The following ATP13A3 variants were observed in gnomAD, a reference collection of about 807,000 sequenced individuals.
ATP13A3 encodes ATPase 13A3, also known as polyamine-transporting ATPase 13A3.
Under a neutral mutation model 158.1 loss-of-function variants are expected in ATP13A3, and 59 were observed. The ratio of observed to expected loss-of-function variants is 0.37; its 90% CI spans 0.30 to 0.46. The LOEUF (loss-of-function observed/expected upper bound fraction) is 0.46, where lower values mean the gene tolerates loss of function less well. Among genes scored for constraint, ATP13A3 ranks in the 20% least tolerant of loss-of-function variants. ATP13A3 has a pLI of 1.00. For missense variants in ATP13A3, 1,166 were observed against 1,525.2 expected, an observed-to-expected ratio of 0.76 and a Z score of 3.92; for synonymous variants, 491 against 504.3, an observed-to-expected ratio of 0.97 and a Z score of 0.35.
At chr3:194,415,756 G>A (rs544563668) in intron 31 of ATP13A3, among the ~76,000 whole-genome samples, 1 of 137,146 alleles carries the variant, frequency 7.3e-6, no homozygotes, top group East Asian at 2.3e-4. Flanking sequence ...TGCAAGCTCC[G>A]CCTCCCGGGT....
chr3:194,402,766 G>T lies in ATP13A3; in HGVS notation c.*3153C>A, dbSNP rs1285140343. ...CAATGCTGAATGTACAATTATGAAT[G>T]TATGCCTTTTTGACAAGAGGGTACC... is the stretch of plus-strand genomic sequence containing the variant. On this transcript the variant is annotated 3_prime_UTR_variant, in exon 34 of 34. Transcript: ENST00000645319. The T allele has an allele frequency of 6.6e-6, 1 of 152,138 alleles. No homozygotes were observed. The highest frequency in any genetic ancestry group is 1.5e-5 in the Non-Finnish European group (1 of 68,030). The allele number at this position is 152,138 out of a possible 1,614,324, so 9.4% of individuals were successfully genotyped here.
intron 2 of ATP13A3, among the ~76,000 whole-genome samples, chr3:194,477,552 C>T (rs1720578346): frequency 2.0e-5 from 3 of 152,232 alleles, no homozygotes; most frequent in Admixed American, 6.5e-5. Flanking sequence ...CACCACAGCA[C>T]TATGTTCTTC....
chr3:194,410,326 A>AAAC, intron 33 of ATP13A3, among the ~76,000 whole-genome samples: 1 of 146,942 alleles, frequency 6.8e-6, no homozygotes, highest in Non-Finnish European at 1.5e-5. Context: ...AAAAAAAAAA[A>AAAC]AAAAACTGCT....
At chr3:194,453,805 C>G in intron 9 of ATP13A3, 27 bp from the exon 10 acceptor site, 8 of 1,588,552 alleles carry the variant, frequency 5.0e-6, no homozygotes, top group Non-Finnish European at 6.9e-6. Flanking sequence ...AAGTTAGAAA[C>G]TAGCCAATAT....
At chr3:194,416,103 A>G (rs2108748069) in intron 31 of ATP13A3, among the ~76,000 whole-genome samples, 1 of 152,374 alleles carries the variant, frequency 6.6e-6, no homozygotes, top group South Asian at 2.1e-4. Flanking sequence ...AATACTGATC[A>G]GCTATAATTC....
In ATP13A3 at chr3:194,431,819, A is replaced by G; in HGVS notation, c.2319T>C (p.Ile773=). The part of the protein sequence containing the change: ...GMILPQDKVI[I]AEALPPKDGK... The stretch of plus-strand genomic sequence containing the variant: ...CATCCTTTGGAGGTAATGCTTCAGC[A>G]ATAATCACTTTATCCTGAGGTAGAA... The change falls in exon 22 of 34, where the codon ATT becomes ATC. Residue 773 remains isoleucine, a synonymous_variant. Transcript: ENST00000645319. The G allele has an allele frequency of 6.2e-7, 1 of 1,613,516 alleles. No individual in the cohort carries two copies. Among genetic ancestry groups the G allele is most frequent in the Non-Finnish European group, 8.5e-7 (1 of 1,179,764 alleles).
intron 2 of ATP13A3, among the ~76,000 whole-genome samples, chr3:194,492,399 C>CA (rs1316286442): frequency 3.3e-5 from 5 of 151,984 alleles, no homozygotes; most frequent in African/African-American, 1.2e-4. Flanking sequence ...CAAAAATACT[C>CA]AAGTTTCTTG....
At chr3:194,426,995 T>C (rs1212889991) in intron 29 of ATP13A3, 80 bp downstream of exon 29, 5 of 1,481,656 alleles carry the variant, frequency 3.4e-6, no homozygotes, top group Non-Finnish European at 4.6e-6. Flanking sequence ...CAAACTTTTA[T>C]ATTAACTTCT....
intron 28 of ATP13A3, 150 bp from the exon 29 acceptor site, chr3:194,427,402 C>T (rs112372645): frequency 8.3e-5 from 55 of 664,594 alleles, no homozygotes; most frequent in Non-Finnish European, 1.1e-4. Context: ...AGCCACATAT[C>T]GTACATATTT....
In ATP13A3 at chr3:194,444,767, T is replaced by C; in HGVS notation, c.1517A>G (p.Asp506Gly). 6.2e-7 allele frequency: 1 copy of C among 1,603,832 alleles called. No individual in the cohort carries two copies. Among genetic ancestry groups the C allele is most frequent in the Non-Finnish European group, 8.5e-7 (1 of 1,177,280 alleles). The change falls in exon 15 of 34, where the codon GAT becomes GGT. Residue 506 changes from aspartate (D) to glycine (G), a missense_variant. Physicochemically the swap from Asp to Gly is moderately conservative, Grantham distance 94. Coordinates refer to ENST00000645319, the MANE Select transcript of ATP13A3 (RefSeq NM_001367549.1). ...TTGAATCCCCCAAAGATCTAAACCA[T>C]CTTCAGTTAGAGTTCCAGTCTAAAA... ...CFDKTGTLTE[D>G]GLDLWGIQRV...
chr3:194,461,268 T>C (rs1232673806), intron 3 of ATP13A3, among the ~76,000 whole-genome samples: 4 of 152,204 alleles, frequency 2.6e-5, no homozygotes, highest in African/African-American at 4.8e-5. Context: ...ATGAAGTTCC[T>C]GTACATCCTT....
At chr3:194,459,723 T>C (rs1220970160) in intron 5 of ATP13A3, 66 bp downstream of exon 5, 8 of 1,506,058 alleles carry the variant, frequency 5.3e-6, no homozygotes, top group East Asian at 4.5e-5. Flanking sequence ...TTATAGAATA[T>C]ACATGATAGC....
At chr3:194,413,243 A>T (rs1018436167) in intron 32 of ATP13A3, among the ~76,000 whole-genome samples, 2 of 152,224 alleles carry the variant, frequency 1.3e-5, no homozygotes. Context: ...ACTCAAAAGC[A>T]AATACCAAGG....
rs1423098151 is a variant in ATP13A3, at chr3:194,460,705, C to G, written c.178G>C (p.Val60Leu). The G allele has an allele frequency of 6.2e-7, 1 of 1,614,130 alleles. No homozygotes were observed. The highest frequency in any genetic ancestry group is 8.5e-7 in the Non-Finnish European group (1 of 1,180,010). ...MPEWRVKATCVRAAIKDCEVV... is the reference protein window; with the variant it reads ...MPEWRVKATCLRAAIKDCEVV... ...TCACAGTCTTTAATTGCAGCTCTGA[C>G]ACAGGTCGCTTTCACCCGCCACTCA... is the stretch of plus-strand genomic sequence containing the variant. The change falls in exon 4 of 34, where the codon GTC (valine) becomes CTC (leucine). Residue 60 changes from valine (V) to leucine (L), a missense_variant. Transcript: ENST00000645319.
At position 194,438,849 on chromosome 3, in the gene ATP13A3, T is replaced by C; in HGVS notation, c.1827+7A>G. ...ACAGTTTTATCTAGCTTTAAGTGAT[T>C]TCTCACCATTTCTTGGTTTCCTGCA... is the stretch of plus-strand genomic sequence containing the variant. On this transcript the variant is annotated splice_region_variant and intron_variant, in intron 17 of 33. Transcript: ENST00000645319. The C allele has an allele frequency of 6.5e-7, 1 of 1,529,502 alleles. No homozygotes were observed. The highest frequency in any genetic ancestry group is 9.0e-7 in the Non-Finnish European group (1 of 1,117,272). The allele number at this position is 1,529,502 out of a possible 1,614,324, so 94.7% of individuals were successfully genotyped here.
Position 194,447,891 on chromosome 3 carries a change from A to T in ATP13A3, c.1269T>A (p.Ile423=), listed in dbSNP as rs758004336. 12 of 1,612,204 alleles carry T rather than the reference A, an allele frequency of 7.4e-6. No homozygotes were observed. Among genetic ancestry groups the T allele is most frequent in the Non-Finnish European group, 1.0e-5 (12 of 1,178,556 alleles). The change falls in exon 13 of 34, where the codon ATT becomes ATA. Residue 423 remains isoleucine, a synonymous_variant. Transcript: ENST00000645319. ...FLLCLVAVAG[I]GFIYTIINSI... ...TATTAATAATAGTGTAGATAAACCC[A>T]ATGCCAGCAACTGCCACAAGACATA...
chr3:194,405,876 C>G lies in ATP13A3; in HGVS notation c.*43G>C. 1 of 1,592,220 alleles carries G rather than the reference C, an allele frequency of 6.3e-7. No individual in the cohort carries two copies. On this transcript the variant is annotated 3_prime_UTR_variant, in exon 34 of 34. Coordinates refer to ENST00000645319, the MANE Select transcript of ATP13A3 (RefSeq NM_001367549.1). ...TCAGAAACTCCTAAAATCACATATT[C>G]CTGAATACTGCTATCAGCAATACCA...
At chr3:194,454,491 C>A (rs1719053119) in intron 8 of ATP13A3, 99 bp from the exon 9 acceptor site, 16 of 1,274,336 alleles carry the variant, frequency 1.3e-5, no homozygotes, top group Non-Finnish European at 1.2e-5. Context: ...CAAATATGTA[C>A]AAGATAAGCT....
intron 29 of ATP13A3, 54 bp downstream of exon 29, chr3:194,427,021 T>C: frequency 6.5e-7 from 1 of 1,537,262 alleles, no homozygotes; most frequent in Non-Finnish European, 8.8e-7. Context: ...CATTTTTATA[T>C]CATATATGTT....
Sources: allele counts gnomAD v4.1 joint callset (sites outside exome capture counted in the v4.1 genomes callset), GRCh38; gene constraint gnomAD v4.1.1; transcripts MANE v1.5; gene names NCBI Gene and HGNC (gene_info 2026-07-23, HGNC 2026-07-21).